GALNTL6: variants seen among roughly 807,000 people sequenced by gnomAD.
GALNTL6 encodes polypeptide N-acetylgalactosaminyltransferase-like 6.
Under a neutral mutation model 73.7 loss-of-function variants are expected in GALNTL6, and 46 were observed. The ratio of observed to expected loss-of-function variants is 0.62; its 90% CI spans 0.49 to 0.80. The LOEUF is 0.80. Among genes scored for constraint, GALNTL6 ranks in the 30% least tolerant of loss-of-function variants. The pLI is 0.00. For synonymous variants in GALNTL6, 259 were observed against 263.7 expected (o/e 0.98, Z 0.17); for missense variants, 604 against 755.0 (o/e 0.80, Z 2.34).
chr4:172,015,923 A>ATTTTTTTTTTTTTT (rs70941375), intron 2 of GALNTL6, among the ~76,000 whole-genome samples: 27 of 44,054 alleles, frequency 6.1e-4, no homozygotes, highest in Middle Eastern at 0.021. Context: ...ATCTAATAGG[A>ATTTTTTTTTTTTTT]TTTTTTTTTT....
At chr4:172,042,840 T>A (rs539189841) in intron 2 of GALNTL6, among the ~76,000 whole-genome samples, 4 of 131,562 alleles carry the variant, frequency 3.0e-5, no homozygotes, top group Non-Finnish European at 6.3e-5. Context: ...TTTTACCTTG[T>A]TCTATCCGAG....
At chr4:171,944,053 G>A (rs1738630536) in intron 2 of GALNTL6, among the ~76,000 whole-genome samples, 1 of 151,694 alleles carries the variant, frequency 6.6e-6, no homozygotes, top group African/African-American at 2.4e-5. Context: ...ATACTTTCTG[G>A]AGTCTGTGTG....
chr4:172,401,112 T>C (rs4692651), intron 5 of GALNTL6, among the ~76,000 whole-genome samples: 122,733 of 152,056 alleles, frequency 0.81, 50,419 homozygotes, highest in Non-Finnish European at 0.88. Context: ...CAAAGTTTCA[T>C]TATTCCTTGT....
chr4:172,291,440 A>T (rs1008903413), intron 3 of GALNTL6, among the ~76,000 whole-genome samples: 5 of 152,154 alleles, frequency 3.3e-5, no homozygotes, highest in Non-Finnish European at 7.4e-5. Flanking sequence ...TATAATACTT[A>T]AAGATTTTTA....
chr4:172,826,797 C>T (rs1395283321), intron 7 of GALNTL6, among the ~76,000 whole-genome samples: 1 of 152,254 alleles, frequency 6.6e-6, no homozygotes, highest in Non-Finnish European at 1.5e-5. Context: ...TGTATTTCTT[C>T]TGATCCAGAA....
chr4:172,378,499 A>G (rs367972630), intron 5 of GALNTL6, among the ~76,000 whole-genome samples: 1 of 152,174 alleles, frequency 6.6e-6, no homozygotes, highest in Non-Finnish European at 1.5e-5. Context: ...AATACAGGAA[A>G]CTAAACACGT....
At chr4:171,924,345 G>T (rs1021419814) in intron 2 of GALNTL6, among the ~76,000 whole-genome samples, 2 of 152,002 alleles carry the variant, frequency 1.3e-5, no homozygotes, top group African/African-American at 4.8e-5. Context: ...TGAGAGATTT[G>T]CTAAAAAAGT....
At chr4:171,967,125 G>A (rs1242889566) in intron 2 of GALNTL6, among the ~76,000 whole-genome samples, 1 of 152,082 alleles carries the variant, frequency 6.6e-6, no homozygotes, top group South Asian at 2.1e-4. Flanking sequence ...AAGTTTTCTC[G>A]TTACTTCTTT....
chr4:172,492,031 A>G (rs994644634), intron 5 of GALNTL6, among the ~76,000 whole-genome samples: 9 of 152,210 alleles, frequency 5.9e-5, no homozygotes, highest in African/African-American at 2.2e-4. Flanking sequence ...GTACTATGTT[A>G]GGCTATAGGG....
intron 5 of GALNTL6, among the ~76,000 whole-genome samples, chr4:172,415,340 A>G (rs1003299920): frequency 6.6e-6 from 1 of 152,206 alleles, no homozygotes; most frequent in Non-Finnish European, 1.5e-5. Flanking sequence ...CCAGTAGCTT[A>G]TCACACAGAA....
chr4:172,390,236 T>C (rs1743613399), intron 5 of GALNTL6, among the ~76,000 whole-genome samples: 1 of 152,200 alleles, frequency 6.6e-6, no homozygotes, highest in Non-Finnish European at 1.5e-5. Context: ...TAGCTATGTT[T>C]GCAATTGATG....
At chr4:171,944,128 T>TA (rs1260182385) in intron 2 of GALNTL6, among the ~76,000 whole-genome samples, 11 of 151,870 alleles carry the variant, frequency 7.2e-5, no homozygotes, top group East Asian at 1.9e-4. Context: ...CTTTTCATTA[T>TA]AAAAAAAAGC....
At chr4:172,254,605 TTTA>T (rs1389353453) in intron 3 of GALNTL6, among the ~76,000 whole-genome samples, 1 of 151,738 alleles carries the variant, frequency 6.6e-6, no homozygotes, top group African/African-American at 2.4e-5. Flanking sequence ...AACATTATGT[TTTA>T]TGTATAGAAC....
chr4:172,973,892 A>G (rs1479678450), intron 10 of GALNTL6, among the ~76,000 whole-genome samples: 1 of 152,204 alleles, frequency 6.6e-6, no homozygotes, highest in Non-Finnish European at 1.5e-5. Context: ...CTCCAGTAAA[A>G]CAGAGAGAGA....
chr4:172,476,838 A>G, intron 5 of GALNTL6, among the ~76,000 whole-genome samples: 1 of 152,104 alleles, frequency 6.6e-6, no homozygotes, highest in East Asian at 1.9e-4. Context: ...GAATTTGTGT[A>G]GTATTTAGAG....
chr4:172,300,101 A>C (rs1292844676), intron 3 of GALNTL6, among the ~76,000 whole-genome samples: 1 of 152,162 alleles, frequency 6.6e-6, no homozygotes, highest in Non-Finnish European at 1.5e-5. Flanking sequence ...TTCTTGTTGA[A>C]TTGATCCGTT....
At chr4:172,067,351 T>C (rs1731397104) in intron 2 of GALNTL6, among the ~76,000 whole-genome samples, 1 of 152,064 alleles carries the variant, frequency 6.6e-6, no homozygotes, top group African/African-American at 2.4e-5. Context: ...TCCTTCACTT[T>C]ACTTCTTTCT....
At chr4:172,571,703 C>T (rs1205926435) in intron 5 of GALNTL6, among the ~76,000 whole-genome samples, 1 of 152,224 alleles carries the variant, frequency 6.6e-6, no homozygotes, top group Non-Finnish European at 1.5e-5. Context: ...AAAAAAAGCA[C>T]ATCCCTTCTT....
At chr4:172,911,908 T>C (rs1747223682) in intron 8 of GALNTL6, among the ~76,000 whole-genome samples, 3 of 152,260 alleles carry the variant, frequency 2.0e-5, no homozygotes, top group Non-Finnish European at 2.9e-5. Flanking sequence ...TGTAACAGTT[T>C]ACATGGCATT....
Sources: gnomAD v4.1 joint callset for allele counts (sites outside exome capture counted in the v4.1 genomes callset) on GRCh38, gnomAD v4.1.1 for gene constraint, MANE v1.5 for transcripts, NCBI Gene and HGNC (gene_info 2026-07-23, HGNC 2026-07-21) for gene names.